The following NVL variants were observed in gnomAD, a reference collection of about 807,000 sequenced individuals.
NVL encodes the protein nuclear VCP like.
NVL carries 84 observed loss-of-function variants against 110.2 expected under a neutral mutation model. That is an observed-to-expected ratio of 0.76 (90% CI 0.64 to 0.91). The LOEUF (loss-of-function observed/expected upper bound fraction) is 0.91. NVL is among the 40% of genes least tolerant of loss of function. NVL has a pLI of 0.00. For missense variants in NVL, 882 were observed against 1,035.9 expected, an observed-to-expected ratio of 0.85 and a Z score of 2.04; for synonymous variants, 354 against 361.1, an observed-to-expected ratio of 0.98 and a Z score of 0.22.
intron 9 of NVL, among the ~76,000 whole-genome samples, chr1:224,301,190 A>C (rs1235638276): frequency 6.6e-6 from 1 of 152,146 alleles, no homozygotes; most frequent in Non-Finnish European, 1.5e-5. Flanking sequence ...ATGTCACTAT[A>C]AAATTCTATT....
intron 2 of NVL, 67 bp from the exon 3 acceptor site, chr1:224,317,997 TA>T (rs1670261567): frequency 8.4e-6 from 9 of 1,068,114 alleles, no homozygotes; most frequent in Non-Finnish European, 1.2e-5. Context: ...AAGTTCAATC[TA>T]AATGGATCAA....
intron 16 of NVL, among the ~76,000 whole-genome samples, chr1:224,276,361 T>C (rs999106336): frequency 6.6e-6 from 1 of 152,100 alleles, no homozygotes; most frequent in Non-Finnish European, 1.5e-5. Context: ...CTCAGCCTCC[T>C]GAGTAGCTAG....
intron 4 of NVL, among the ~76,000 whole-genome samples, chr1:224,316,228 T>G (rs375381885): frequency 6.6e-6 from 1 of 152,074 alleles, no homozygotes; most frequent in East Asian, 1.9e-4. Flanking sequence ...AGCATGTCCA[T>G]ACATACTTAT....
intron 18 of NVL, among the ~76,000 whole-genome samples, chr1:224,251,135 G>A (rs1424550494): frequency 2.6e-5 from 4 of 151,608 alleles, no homozygotes; most frequent in African/African-American, 9.7e-5. Context: ...TTAGCCAGGT[G>A]TGATGGCACA....
At chr1:224,281,245 T>C (rs1197152591) in intron 15 of NVL, 60 bp from the exon 16 acceptor site, 16 of 1,315,932 alleles carry the variant, frequency 1.2e-5, no homozygotes, top group Non-Finnish European at 1.8e-5. Flanking sequence ...ATAACAATAA[T>C]AATGATGATG....
chr1:224,234,379 AAAAAT>A (rs944108875), intron 20 of NVL, among the ~76,000 whole-genome samples: 23 of 152,172 alleles, frequency 1.5e-4, no homozygotes, highest in Non-Finnish European at 4.4e-5. Flanking sequence ...GATGAAAATG[AAAAAT>A]AAATTTTTTT....
intron 18 of NVL, among the ~76,000 whole-genome samples, chr1:224,255,839 G>A (rs566266798): frequency 4.6e-5 from 7 of 152,302 alleles, no homozygotes. Context: ...TCTTCCAAGA[G>A]TTTTATAATG....
chr1:224,308,052 C>T lies in NVL; in HGVS notation c.554G>A (p.Ser185Asn), dbSNP rs1289262815. The T allele has an allele frequency of 1.9e-6, 3 of 1,593,154 alleles. No homozygotes were observed. The highest frequency in any genetic ancestry group is 2.6e-6 in the Non-Finnish European group (3 of 1,171,936). The part of the protein sequence containing the change: ...IDKTPSVKKD[S>N]FFLDLSCEKS... ...CTCACATGACAGGTCCAAGAAAAAA[C>T]TGTCTTTCTTTACACTTGGGGTTTT... is the stretch of plus-strand genomic sequence containing the variant. Residue 185 changes from serine to asparagine, a missense_variant, in exon 6 of 23, where the codon AGT (serine) becomes AAT (asparagine). Coordinates refer to ENST00000281701, the MANE Select transcript of NVL (RefSeq NM_002533.4).
chr1:224,250,735 A>G (rs574765561), intron 18 of NVL, among the ~76,000 whole-genome samples: 20 of 152,114 alleles, frequency 1.3e-4, no homozygotes, highest in Non-Finnish European at 2.5e-4. Context: ...CCTCGAGTCC[A>G]CAAAAGTCCA....
chr1:224,243,802 C>T (rs1002764906), intron 19 of NVL, among the ~76,000 whole-genome samples: 1 of 151,272 alleles, frequency 6.6e-6, no homozygotes, highest in African/African-American at 2.4e-5. Context: ...GCTGGGATTA[C>T]AGGCACCGGC....
chr1:224,230,929 C>T (rs1437183432), intron 22 of NVL, among the ~76,000 whole-genome samples: 2 of 151,824 alleles, frequency 1.3e-5, no homozygotes, highest in African/African-American at 2.4e-5. Context: ...GTCAGGAGAT[C>T]GAGACCATCC....
intron 18 of NVL, among the ~76,000 whole-genome samples, chr1:224,261,442 T>C (rs934147482): frequency 6.6e-6 from 1 of 152,236 alleles, no homozygotes; most frequent in Non-Finnish European, 1.5e-5. Flanking sequence ...TGCAGGAATA[T>C]CTTTTTTAAA....
chr1:224,253,616 T>C (rs12748669), intron 18 of NVL, among the ~76,000 whole-genome samples: 142,306 of 151,102 alleles, frequency 0.94, 67,576 homozygotes, highest in South Asian at 1. Flanking sequence ...GCCTGTAATC[T>C]CAGCTATTCA....
intron 18 of NVL, among the ~76,000 whole-genome samples, chr1:224,262,687 T>G (rs1295924970): frequency 2.0e-5 from 3 of 152,150 alleles, no homozygotes; most frequent in Non-Finnish European, 2.9e-5. Flanking sequence ...AACTGGTACA[T>G]CGTTTGAATA....
chr1:224,227,500 C>A lies in NVL; in HGVS notation c.*126G>T, dbSNP rs1351355142. ...GCTTCAGCTTCAGCTTGGCCTCATTCATTTGAAAATAAAATGTTTACATGA... is the reference window on the plus strand; with the variant it reads ...GCTTCAGCTTCAGCTTGGCCTCATTAATTTGAAAATAAAATGTTTACATGA... On this transcript the variant is annotated 3_prime_UTR_variant, in exon 23 of 23. Coordinates refer to ENST00000281701, the MANE Select transcript of NVL (RefSeq NM_002533.4). The A allele has an allele frequency of 2.8e-5, 18 of 639,194 alleles. No homozygotes were observed. The highest frequency in any genetic ancestry group is 3.9e-5 in the Non-Finnish European group (16 of 412,012). 39.6% of individuals were successfully genotyped at this position (639,194 alleles called of 1,614,324 possible). A position where few individuals can be genotyped will look rare whatever the true frequency, so the allele number is the denominator to read the frequency against.
In NVL at chr1:224,238,205, G is replaced by T. The variant is rs894392286; in HGVS notation, c.2290-1623C>A. Among the ~76,000 whole-genome samples the T allele has an allele frequency of 1.4e-4, 21 of 151,760 alleles. No homozygotes were observed. The South Asian group carries it at 1.5e-3, about 11-fold the overall frequency. ...CCCACCACACACCTGGCTAATTTTTGTATTTTTTGTAGAGATGGGGTTTCA... is the reference window on the plus strand; with the variant it reads ...CCCACCACACACCTGGCTAATTTTTTTATTTTTTGTAGAGATGGGGTTTCA... On this transcript the variant is annotated intron_variant, in intron 19 of 22. Coordinates refer to ENST00000281701, the MANE Select transcript of NVL (RefSeq NM_002533.4).
intron 19 of NVL, among the ~76,000 whole-genome samples, chr1:224,239,117 T>A (rs1223206439): frequency 6.6e-6 from 1 of 152,156 alleles, no homozygotes; most frequent in African/African-American, 2.4e-5. Flanking sequence ...TACCACTTTT[T>A]AATTTCTTTC....
At chr1:224,292,753 C>CTT (rs977238478) in intron 12 of NVL, among the ~76,000 whole-genome samples, 4 of 145,768 alleles carry the variant, frequency 2.7e-5, no homozygotes, top group Admixed American at 2.7e-4. Flanking sequence ...CATTAAATAC[C>CTT]TTTTTTTTTT....
Position 224,324,705 on chromosome 1 carries a change from G to GT in NVL, c.131+1685dup, listed in dbSNP as rs551579458. Among the ~76,000 whole-genome samples, 33 of 152,334 alleles carry GT rather than the reference G, an allele frequency of 2.2e-4. No homozygotes were observed. In the South Asian group the frequency reaches 6.6e-3, roughly 31 times the overall value. ...CCCTCAAAATGCTGGGATTATAGGT[G>GT]TGAGTCCTTGCATCTGGCCTGATTT... On this transcript the variant is annotated intron_variant, in intron 2 of 22. Transcript: ENST00000281701.
Sources: allele counts gnomAD v4.1 joint callset (sites outside exome capture counted in the v4.1 genomes callset), GRCh38; gene constraint gnomAD v4.1.1; transcripts MANE v1.5; gene names NCBI Gene and HGNC (gene_info 2026-07-23, HGNC 2026-07-21).